The following COBL variants were observed in gnomAD, a reference collection of about 807,000 sequenced individuals.
COBL encodes cordon-bleu WH2 repeat protein, also known as protein cordon-bleu.
COBL carries 51 observed loss-of-function variants against 98.8 expected under a neutral mutation model. The ratio of observed to expected loss-of-function variants is 0.52; its 90% CI spans 0.41 to 0.65. COBL has a LOEUF of 0.65. Ranked by LOEUF, COBL falls within the 30% of genes least tolerant of loss-of-function variation. The pLI, the probability that COBL is intolerant of heterozygous loss-of-function variation, is 0.00. For missense variants in COBL, 1,617 were observed against 1,617.5 expected, an observed-to-expected ratio of 1.00 and a Z score of 0.01; for synonymous variants, 634 against 651.7, an observed-to-expected ratio of 0.97 and a Z score of 0.41.
chr7:51,088,747 C>T (rs1471525766), intron 6 of COBL, among the ~76,000 whole-genome samples: 1 of 152,186 alleles, frequency 6.6e-6, no homozygotes, highest in African/African-American at 2.4e-5. Flanking sequence ...GGCAGAAATG[C>T]AGTAGCTGAG....
At chr7:51,087,485 T>G (rs112911908) in intron 6 of COBL, among the ~76,000 whole-genome samples, 10 of 152,048 alleles carry the variant, frequency 6.6e-5, no homozygotes, top group African/African-American at 9.7e-5. Flanking sequence ...TGTGTGGGGT[T>G]TTTTTGGTTG....
chr7:51,128,007 A>G (rs918897770), intron 6 of COBL, among the ~76,000 whole-genome samples: 1 of 152,240 alleles, frequency 6.6e-6, no homozygotes, highest in African/African-American at 2.4e-5. Flanking sequence ...CATCTGAAAG[A>G]AAGTCTTGGC....
rs760356567 is a variant in COBL at position 51,017,526 on chromosome 7, C to T, written c.*25G>A. 1.9e-6 allele frequency: 3 copies of T among 1,613,470 alleles called. No homozygotes were observed. On this transcript the variant is annotated 3_prime_UTR_variant, in exon 13 of 13. Coordinates refer to ENST00000265136, the MANE Select transcript of COBL (RefSeq NM_015198.5). The stretch of plus-strand genomic sequence containing the variant: ...CTGTGGGCATATTACAGGTGGGTTT[C>T]TGCAATTCTCTGGCCTCTGTTCATT...
chr7:51,134,325 A>G lies in COBL; in HGVS notation c.957+1833T>C, dbSNP rs544553756. Among the ~76,000 whole-genome samples the G allele has an allele frequency of 1.6e-4, 25 of 152,368 alleles. No homozygotes were observed. In the South Asian group the frequency reaches 4.8e-3, roughly 29 times the overall value. ...CAATTTCTCCACGCATTCTGTGCCA[A>G]ATAAAACAGATTTCAGCAAAAAGCT... On this transcript the variant is annotated intron_variant, in intron 6 of 12. Transcript: ENST00000265136.
chr7:51,020,713 G>A (rs1351682384), intron 12 of COBL, among the ~76,000 whole-genome samples: 1 of 152,196 alleles, frequency 6.6e-6, no homozygotes, highest in African/African-American at 2.4e-5. Flanking sequence ...TTCCACTGAG[G>A]AAGTGGGTGC....
At chr7:51,022,387 G>C (rs192427582) in intron 12 of COBL, among the ~76,000 whole-genome samples, 1 of 152,156 alleles carries the variant, frequency 6.6e-6, no homozygotes, top group African/African-American at 2.4e-5. Flanking sequence ...ACACAAGCCC[G>C]GCTCCCGCCC....
At chr7:51,246,729 G>T (rs544749074) in intron 1 of COBL, among the ~76,000 whole-genome samples, 1 of 152,358 alleles carries the variant, frequency 6.6e-6, no homozygotes, top group East Asian at 1.9e-4. Context: ...TCCTTGATTT[G>T]TAGATTCTAT....
intron 5 of COBL, among the ~76,000 whole-genome samples, chr7:51,160,910 T>G (rs1256052332): frequency 8.0e-6 from 1 of 124,812 alleles, no homozygotes; most frequent in East Asian, 2.0e-4. Context: ...AATATAAAGC[T>G]TTTTTTTTTT....
intron 7 of COBL, among the ~76,000 whole-genome samples, chr7:51,061,950 TACACACAC>T (rs3047134): frequency 0.1 from 15,053 of 145,492 alleles, 1,052 homozygotes; most frequent in Middle Eastern, 0.18. Context: ...CCACCATAGA[TACACACAC>T]ACACACACAC....
intron 5 of COBL, among the ~76,000 whole-genome samples, chr7:51,138,221 G>C (rs1562955366): frequency 6.6e-6 from 1 of 152,162 alleles, no homozygotes; most frequent in African/African-American, 2.4e-5. Flanking sequence ...CAGAACACTC[G>C]TCAATGCCTA....
At chr7:51,072,779 C>T (rs1421144899) in intron 7 of COBL, 1 of 152,140 alleles carries the variant, frequency 6.6e-6, no homozygotes, top group Non-Finnish European at 1.5e-5. Flanking sequence ...TGTAAAATGG[C>T]AAAGTACACA....
intron 5 of COBL, among the ~76,000 whole-genome samples, chr7:51,145,883 A>T (rs1287975864): frequency 6.6e-6 from 1 of 152,156 alleles, no homozygotes; most frequent in East Asian, 1.9e-4. Flanking sequence ...TTCCCCCACT[A>T]CTAATGAGGT....
At chr7:51,156,198 A>G in intron 5 of COBL, 1 of 982,596 alleles carries the variant, frequency 1.0e-6, no homozygotes, top group Middle Eastern at 5.2e-4. Context: ...CTCTGCACAC[A>G]CACACACACA....
At chr7:51,083,347 C>T in intron 7 of COBL, 3 of 667,540 alleles carry the variant, frequency 4.5e-6, no homozygotes, top group Non-Finnish European at 7.4e-6. Context: ...GATCCAGCCA[C>T]ACCTAACACC....
intron 1 of COBL, among the ~76,000 whole-genome samples, chr7:51,288,415 C>T (rs1800570349): frequency 8.8e-6 from 1 of 114,264 alleles, no homozygotes; most frequent in Non-Finnish European, 1.8e-5. Context: ...GCCTGGGCAA[C>T]AGTCTCCAAA....
At chr7:51,018,045 G>C (rs966208761) in intron 12 of COBL, among the ~76,000 whole-genome samples, 6 of 152,242 alleles carry the variant, frequency 3.9e-5, no homozygotes, top group African/African-American at 1.4e-4. Context: ...TGGTTAAGCT[G>C]ATGTTTTAAT....
At chr7:51,259,328 T>C in intron 1 of COBL, 1 of 218,308 alleles carries the variant, frequency 4.6e-6, no homozygotes, top group Admixed American at 5.3e-5. Context: ...TCACGGTTAC[T>C]AATAGGAATA....
chr7:51,155,930 C>T (rs1786084488), intron 5 of COBL, among the ~76,000 whole-genome samples: 1 of 152,032 alleles, frequency 6.6e-6, no homozygotes, highest in Admixed American at 6.6e-5. Flanking sequence ...CTCCATGCAA[C>T]CAAGCAAAAC....
At chr7:51,187,235 C>T (rs1184454621) in intron 4 of COBL, among the ~76,000 whole-genome samples, 2 of 150,948 alleles carry the variant, frequency 1.3e-5, no homozygotes, top group African/African-American at 2.4e-5. Context: ...TAAATGGAAG[C>T]GGGGGACCAG....
Sources: gnomAD v4.1 joint callset for allele counts (sites outside exome capture counted in the v4.1 genomes callset) on GRCh38, gnomAD v4.1.1 for gene constraint, MANE v1.5 for transcripts, NCBI Gene and HGNC (gene_info 2026-07-23, HGNC 2026-07-21) for gene names.